UBE2E2: variants seen among roughly 807,000 people sequenced by gnomAD.
The protein encoded by UBE2E2 is ubiquitin conjugating enzyme E2 E2.
UBE2E2 carries 6 observed loss-of-function variants against 24.7 expected under a neutral mutation model. The ratio of observed to expected loss-of-function variants is 0.24; its 90% CI spans 0.13 to 0.48. The LOEUF (loss-of-function observed/expected upper bound fraction) is 0.48, where lower values mean the gene tolerates loss of function less well. Among genes scored for constraint, UBE2E2 ranks in the 20% least tolerant of loss-of-function variants. The probability of loss-of-function intolerance (pLI) is 0.99; values close to 1 mark genes in which losing one functional copy is unlikely to be tolerated. For missense variants in UBE2E2, 169 were observed against 245.0 expected (o/e 0.69, Z 2.07); for synonymous variants, 104 against 83.6 (o/e 1.24, Z -1.33).
At chr3:23,485,126 G>A (rs1201766956) in intron 3 of UBE2E2, among the ~76,000 whole-genome samples, 4 of 120,650 alleles carry the variant, frequency 3.3e-5, no homozygotes, top group African/African-American at 6.8e-5. Context: ...ATGGAGTCTC[G>A]TTCTGTGACC....
chr3:23,323,476 C>T lies in UBE2E2; in HGVS notation c.227+106164C>T, dbSNP rs753726608. 1.2e-3 allele frequency: 526 copies of T among 426,064 alleles called. 1 individual carries two copies. Among genetic ancestry groups the T allele is most frequent in the Non-Finnish European group, 1.7e-3 (363 of 213,342 alleles). The allele number at this position is 426,064 out of a possible 1,614,324, so 26.4% of individuals were successfully genotyped here. ...TAATACGGGGTGAGCATCCCAAATT[C>T]GAAAATTCAAAACACTTTGTAATTC... On this transcript the variant is annotated intron_variant, in intron 3 of 5. Coordinates refer to ENST00000396703, the MANE Select transcript of UBE2E2 (RefSeq NM_152653.4).
At chr3:23,220,258 T>C (rs1165825995) in intron 3 of UBE2E2, among the ~76,000 whole-genome samples, 1 of 152,204 alleles carries the variant, frequency 6.6e-6, no homozygotes, top group East Asian at 1.9e-4. Flanking sequence ...AATTATTTCA[T>C]GTAGGAGATA....
At chr3:23,464,460 A>G (rs1698880943) in intron 3 of UBE2E2, among the ~76,000 whole-genome samples, 1 of 152,148 alleles carries the variant, frequency 6.6e-6, no homozygotes, top group Non-Finnish European at 1.5e-5. Flanking sequence ...TTCCAAATAC[A>G]GGATACTATT....
chr3:23,477,445 G>A (rs577287202), intron 3 of UBE2E2, among the ~76,000 whole-genome samples: 1 of 152,236 alleles, frequency 6.6e-6, no homozygotes, highest in East Asian at 1.9e-4. Context: ...CTCACAATCA[G>A]TATATTACAT....
intron 5 of UBE2E2, among the ~76,000 whole-genome samples, chr3:23,575,477 C>T (rs1007136378): frequency 6.6e-6 from 1 of 151,994 alleles, no homozygotes; most frequent in Non-Finnish European, 1.5e-5. Flanking sequence ...AGTGTTCCTT[C>T]ATATTAGAAA....
At chr3:23,319,511 T>G (rs1219700995) in intron 3 of UBE2E2, among the ~76,000 whole-genome samples, 1 of 152,182 alleles carries the variant, frequency 6.6e-6, no homozygotes, top group Non-Finnish European at 1.5e-5. Context: ...ACAAATTTAA[T>G]TCTTACAACA....
intron 3 of UBE2E2, among the ~76,000 whole-genome samples, chr3:23,497,110 A>G (rs1472060270): frequency 6.6e-6 from 1 of 152,172 alleles, no homozygotes; most frequent in African/African-American, 2.4e-5. Flanking sequence ...AGTTTACATC[A>G]TCTGTTTACA....
intron 3 of UBE2E2, among the ~76,000 whole-genome samples, chr3:23,426,445 G>C (rs1275761176): frequency 6.8e-6 from 1 of 147,198 alleles, no homozygotes; most frequent in Non-Finnish European, 1.5e-5. Flanking sequence ...GCTACACATA[G>C]TCATATCATA....
At chr3:23,253,103 GAAAAT>G (rs1278853433) in intron 3 of UBE2E2, among the ~76,000 whole-genome samples, 2 of 152,060 alleles carry the variant, frequency 1.3e-5, no homozygotes, top group African/African-American at 4.8e-5. Flanking sequence ...AAATATAAAA[GAAAAT>G]AAAACTAGGA....
At chr3:23,499,014 A>G (rs1033921119) in intron 3 of UBE2E2, among the ~76,000 whole-genome samples, 1 of 152,218 alleles carries the variant, frequency 6.6e-6, no homozygotes. Flanking sequence ...CTGTTCCTCA[A>G]GCACCTTCTA....
intron 3 of UBE2E2, among the ~76,000 whole-genome samples, chr3:23,350,511 C>G (rs1695712283): frequency 6.6e-6 from 1 of 152,104 alleles, no homozygotes; most frequent in Non-Finnish European, 1.5e-5. Flanking sequence ...GAATGTATAA[C>G]TAGAATAACC....
chr3:23,477,181 C>A (rs1699157602), intron 3 of UBE2E2, among the ~76,000 whole-genome samples: 1 of 152,094 alleles, frequency 6.6e-6, no homozygotes, highest in African/African-American at 2.4e-5. Context: ...TTTTGCAAAT[C>A]CTTAGCCAGC....
rs1321819270 is a variant in UBE2E2, at chr3:23,556,453, T to TAAAAAAAAAAAA, written c.508+23752_508+23753insAAAAAAAAAAAA. ...ACCATGCCCAGCCAATAAAATTTAT[T>TAAAAAAAAAAAA]TAAAAAAAAAAAAAAAAAAGCTATA... is the stretch of plus-strand genomic sequence containing the variant. On this transcript the variant is annotated intron_variant, in intron 5 of 5. Transcript: ENST00000396703. Among the ~76,000 whole-genome samples the TAAAAAAAAAAAA allele has an allele frequency of 2.9e-5, 2 of 69,002 alleles. 1 individual carries two copies. The highest frequency in any genetic ancestry group is 1.3e-4 in the African/African-American group (2 of 15,362). The allele number at this position is 69,002 out of a possible 152,430, so 45.3% of individuals were successfully genotyped here.
upstream of UBE2E2, chr3:23,203,231 G>T: frequency 1.0e-6 from 1 of 988,342 alleles, no homozygotes; most frequent in Non-Finnish European, 1.2e-6. Context: ...GAGCTGGAAC[G>T]GCCGGGGGCG....
intron 3 of UBE2E2, among the ~76,000 whole-genome samples, chr3:23,496,609 T>C (rs1699608214): frequency 6.6e-6 from 1 of 152,244 alleles, no homozygotes; most frequent in African/African-American, 2.4e-5. Context: ...TGTTAATCTG[T>C]ATATTGTCAC....
chr3:23,259,341 G>T (rs1457063959), intron 3 of UBE2E2, among the ~76,000 whole-genome samples: 5 of 152,172 alleles, frequency 3.3e-5, no homozygotes, highest in Admixed American at 3.3e-4. Context: ...TTTGGGCATG[G>T]TTTGGCAAGA....
chr3:23,552,810 A>G (rs898225951), intron 5 of UBE2E2, among the ~76,000 whole-genome samples: 4 of 152,210 alleles, frequency 2.6e-5, no homozygotes, highest in African/African-American at 4.8e-5. Context: ...ACAGGCAGCT[A>G]TTGCCATAAC....
At chr3:23,432,926 C>T (rs1172571550) in intron 3 of UBE2E2, among the ~76,000 whole-genome samples, 4 of 151,548 alleles carry the variant, frequency 2.6e-5, no homozygotes, top group Non-Finnish European at 5.9e-5. Context: ...ATAGACACTT[C>T]GATATCATGA....
intron 5 of UBE2E2, among the ~76,000 whole-genome samples, chr3:23,572,996 T>A (rs1216068876): frequency 6.6e-6 from 1 of 152,130 alleles, no homozygotes; most frequent in Admixed American, 6.6e-5. Flanking sequence ...ATGCTTTAAT[T>A]GCTCCAAGTA....
Sources: gnomAD v4.1 joint callset for allele counts (sites outside exome capture counted in the v4.1 genomes callset) on GRCh38, gnomAD v4.1.1 for gene constraint, MANE v1.5 for transcripts, NCBI Gene and HGNC (gene_info 2026-07-23, HGNC 2026-07-21) for gene names.